The following PALM2AKAP2 variants were observed in gnomAD, a reference collection of about 807,000 sequenced individuals.
PALM2AKAP2 encodes PALM2 and AKAP2 fusion.
In PALM2AKAP2, 37 loss-of-function variants were observed where a neutral mutation model predicts 71.5. The observed-to-expected ratio is 0.52, with a 90% CI of 0.40 to 0.68. The LOEUF is 0.68. Ranked by LOEUF, PALM2AKAP2 falls within the 30% of genes least tolerant of loss-of-function variation. The pLI is 0.00. For synonymous variants in PALM2AKAP2, 468 were observed against 478.8 expected (o/e 0.98, Z 0.29); for missense variants, 1,224 against 1,191.8 (o/e 1.03, Z -0.40).
At chr9:109,803,912 G>A (rs183696906) in intron 1 of PALM2AKAP2, among the ~76,000 whole-genome samples, 3 of 152,302 alleles carry the variant, frequency 2.0e-5, no homozygotes, top group Admixed American at 2.0e-4. Flanking sequence ...TTGGAGCTTG[G>A]GAGCCCCATG....
intron 1 of PALM2AKAP2, among the ~76,000 whole-genome samples, chr9:110,105,893 T>C (rs1835107853): frequency 6.6e-6 from 1 of 152,240 alleles, no homozygotes; most frequent in Admixed American, 6.5e-5. Context: ...AAATGTAATG[T>C]TGTAAGAAAA....
chr9:109,983,056 C>T (rs1832305815), intron 6 of PALM2AKAP2, among the ~76,000 whole-genome samples: 1 of 152,188 alleles, frequency 6.6e-6, no homozygotes, highest in Non-Finnish European at 1.5e-5. Flanking sequence ...CTGCACGTAG[C>T]CTCACCTACT....
At chr9:109,740,183 G>A (rs1828697235) in intron 1 of PALM2AKAP2, among the ~76,000 whole-genome samples, 1 of 152,126 alleles carries the variant, frequency 6.6e-6, no homozygotes, top group Non-Finnish European at 1.5e-5. Context: ...TACCTAATGG[G>A]TATTTACTAC....
At chr9:109,690,007 G>A (rs1271299207) in intron 1 of PALM2AKAP2, among the ~76,000 whole-genome samples, 1 of 144,232 alleles carries the variant, frequency 6.9e-6, no homozygotes, top group Non-Finnish European at 1.5e-5. Flanking sequence ...ATGGGGAAGA[G>A]TTTTTTTTTT....
At chr9:109,799,426 A>G (rs1188591057) in intron 1 of PALM2AKAP2, among the ~76,000 whole-genome samples, 1 of 152,210 alleles carries the variant, frequency 6.6e-6, no homozygotes, top group Non-Finnish European at 1.5e-5. Flanking sequence ...GGTCCCTGCC[A>G]GTGCTGGTAC....
intron 7 of PALM2AKAP2, among the ~76,000 whole-genome samples, chr9:110,031,218 G>A (rs925387371): frequency 6.6e-6 from 1 of 152,128 alleles, no homozygotes; most frequent in Non-Finnish European, 1.5e-5. Flanking sequence ...CACCTCCCAG[G>A]TTCAAGTATT....
At chr9:109,967,620 C>G (rs79734722) in intron 6 of PALM2AKAP2, among the ~76,000 whole-genome samples, 26,053 of 152,064 alleles carry the variant, frequency 0.17, 2,558 homozygotes, top group East Asian at 0.42. Flanking sequence ...ATATTGGCCA[C>G]GCTGGTCTCA....
chr9:110,164,865 T>C (rs1351520102), intron 3 of PALM2AKAP2, among the ~76,000 whole-genome samples: 1 of 152,198 alleles, frequency 6.6e-6, no homozygotes, highest in Non-Finnish European at 1.5e-5. Context: ...TTTTTTGTTT[T>C]CCCTTTTCCA....
intron 1 of PALM2AKAP2, among the ~76,000 whole-genome samples, chr9:110,097,388 A>G (rs1834874375): frequency 2.7e-5 from 4 of 148,684 alleles, no homozygotes; most frequent in Admixed American, 6.6e-5. Flanking sequence ...CGATTTCTCA[A>G]TCTTTTCCCC....
At chr9:110,083,108 T>TC (rs1434439000) in intron 1 of PALM2AKAP2, among the ~76,000 whole-genome samples, 2 of 152,150 alleles carry the variant, frequency 1.3e-5, no homozygotes, top group East Asian at 1.9e-4. Flanking sequence ...GCCATTGCAC[T>TC]CCAGCCTGGG....
chr9:109,815,376 A>T (rs900097336), intron 1 of PALM2AKAP2, among the ~76,000 whole-genome samples: 9 of 152,130 alleles, frequency 5.9e-5, no homozygotes, highest in African/African-American at 1.9e-4. Context: ...CAGGAAGGAG[A>T]TCTGGTTTTG....
At chr9:110,085,524 C>A (rs570781390) in intron 1 of PALM2AKAP2, among the ~76,000 whole-genome samples, 1 of 151,878 alleles carries the variant, frequency 6.6e-6, no homozygotes, top group Non-Finnish European at 1.5e-5. Context: ...AACTTTGGGC[C>A]GAGTTAGCAA....
chr9:109,723,094 G>A (rs1222253667), intron 1 of PALM2AKAP2, among the ~76,000 whole-genome samples: 1 of 152,064 alleles, frequency 6.6e-6, no homozygotes, highest in African/African-American at 2.4e-5. Context: ...GTATTCCCTG[G>A]GCATGTAAAA....
intron 1 of PALM2AKAP2, among the ~76,000 whole-genome samples, chr9:109,823,572 G>A (rs1828066641): frequency 6.6e-6 from 1 of 152,196 alleles, no homozygotes; most frequent in Non-Finnish European, 1.5e-5. Flanking sequence ...CCACAGTGGA[G>A]ACCACAGAGT....
intron 2 of PALM2AKAP2, among the ~76,000 whole-genome samples, chr9:110,152,826 C>A (rs936300124): frequency 3.3e-5 from 5 of 152,174 alleles, no homozygotes; most frequent in African/African-American, 1.2e-4. Flanking sequence ...CTGGTTTGAA[C>A]CATACTTGGG....
Position 110,056,627 on chromosome 9 carries a change from C to T in PALM2AKAP2, c.156+7772C>T, listed in dbSNP as rs140332659. The stretch of plus-strand genomic sequence containing the variant: ...TGCAAAGGTTAGCAAGAATTTTCCT[C>T]AGACACATTACAGATGAGCAGAATT... On this transcript the variant is annotated intron_variant, in intron 1 of 3. Coordinates refer to ENST00000374525, the Ensembl canonical transcript of PALM2AKAP2. Among the ~76,000 whole-genome samples, 1,163 of 152,246 alleles carry T rather than the reference C, an allele frequency of 7.6e-3. 15 individuals are homozygous for T. Among genetic ancestry groups the T allele is most frequent in the African/African-American group, 0.027 (1,109 of 41,528 alleles).
chr9:109,788,714 G>T (rs1827030023), intron 1 of PALM2AKAP2, among the ~76,000 whole-genome samples: 1 of 152,186 alleles, frequency 6.6e-6, no homozygotes, highest in Non-Finnish European at 1.5e-5. Context: ...ATTCTGAAGA[G>T]GTGAAATAGA....
chr9:110,085,490 T>C (rs1564296252), intron 1 of PALM2AKAP2, among the ~76,000 whole-genome samples: 1 of 149,056 alleles, frequency 6.7e-6, no homozygotes, highest in Non-Finnish European at 1.5e-5. Context: ...TAGAAAATAC[T>C]ACTGTGATGT....
chr9:110,156,660 TG>T (rs1404032557), intron 3 of PALM2AKAP2, among the ~76,000 whole-genome samples, 163 bp downstream of exon 9: 1 of 152,172 alleles, frequency 6.6e-6, no homozygotes, highest in Non-Finnish European at 1.5e-5. Context: ...GAACTGGGTT[TG>T]GGTTTTTGCC....
Sources: allele counts gnomAD v4.1 joint callset (sites outside exome capture counted in the v4.1 genomes callset), GRCh38; gene constraint gnomAD v4.1.1; transcripts MANE v1.5; gene names NCBI Gene and HGNC (gene_info 2026-07-23, HGNC 2026-07-21).